ADGRB2: variants seen among roughly 807,000 people sequenced by gnomAD.
ADGRB2 encodes the protein adhesion G protein-coupled receptor B2.
In ADGRB2, 47 loss-of-function variants were observed where a neutral mutation model predicts 178.7. The observed-to-expected ratio is 0.26, with a 90% CI of 0.21 to 0.34. The LOEUF (loss-of-function observed/expected upper bound fraction) is 0.34, where lower values mean the gene tolerates loss of function less well. ADGRB2 is among the 10% of genes least tolerant of loss of function. The pLI, the probability that ADGRB2 is intolerant of heterozygous loss-of-function variation, is 1.00. For missense variants in ADGRB2, 1,584 were observed against 2,180.8 expected (o/e 0.73, Z 5.45); for synonymous variants, 870 against 912.4 (o/e 0.95, Z 0.84).
chr1:31,749,949 G>GGAAAGAAA lies in ADGRB2; in HGVS notation c.839-5226_839-5219dup, dbSNP rs557365713. Among the ~76,000 whole-genome samples, 5 of 150,872 alleles carry GGAAAGAAA rather than the reference G, an allele frequency of 3.3e-5. No homozygotes were observed. In the South Asian group the frequency reaches 8.4e-4, roughly 25 times the overall value. ...AGAGAGAGAGAGAGAAAGAAAGAAA[G>GGAAAGAAA]GAAAGAAAGAAAGAAAGAGAAAAAG... On this transcript the variant is annotated intron_variant, in intron 4 of 32. Transcript: ENST00000373658.
intron 18 of ADGRB2, 112 bp downstream of exon 18, chr1:31,738,088 C>T: frequency 1.4e-6 from 2 of 1,459,558 alleles, no homozygotes; most frequent in Non-Finnish European, 1.8e-6. Flanking sequence ...ACAAGCGCAC[C>T]TGCAGATGCA....
intron 7 of ADGRB2, 92 bp downstream of exon 7, chr1:31,742,746 G>A: frequency 7.4e-7 from 1 of 1,343,170 alleles, no homozygotes; most frequent in Non-Finnish European, 9.6e-7. Context: ...GGCCCCCAGG[G>A]GCAGGTCACT....
In ADGRB2 at chr1:31,740,658, G is replaced by A; in HGVS notation, c.1795-117C>T. On this transcript the variant is annotated intron_variant, in intron 11 of 32. Transcript: ENST00000373658. This position sits in a 1 kb window ranked among gnomAD's most constrained non-coding sequence, Gnocchi z 5.9. Reference sequence around the variant, plus strand: ...TCCACGGGGAGAGAAAGGGGGAAAAGGTCAGAGAGGCTCAAAGGGGCACAC... The same window carrying A: ...TCCACGGGGAGAGAAAGGGGGAAAAAGTCAGAGAGGCTCAAAGGGGCACAC... 5 of 1,143,904 alleles carry A rather than the reference G, an allele frequency of 4.4e-6. No individual in the cohort carries two copies. Among genetic ancestry groups the A allele is most frequent in the Non-Finnish European group, 6.0e-6 (5 of 827,820 alleles). 70.9% of individuals were successfully genotyped at this position (1,143,904 alleles called of 1,614,324 possible). A position where few individuals can be genotyped will look rare whatever the true frequency, so the allele number is the denominator to read the frequency against.
At chr1:31,736,098 C>T (rs577596926) in intron 22 of ADGRB2, among the ~76,000 whole-genome samples, 3 of 152,322 alleles carry the variant, frequency 2.0e-5, no homozygotes, top group Non-Finnish European at 4.4e-5. Context: ...TCCCCCAGTG[C>T]TCCCATGGGG....
rs928531541 is a variant in ADGRB2, at chr1:31,739,385, T to C, written c.2418A>G (p.Ala806=). Residue 806 remains alanine (A), a synonymous_variant, in exon 15 of 33, where the codon GCA becomes GCG. Transcript: ENST00000373658. ...CAAAGTAGGAGGACTCATCAGGGTC[T>C]GCTGGGAGGAGGCGCTGGTGGGAGT... is the stretch of plus-strand genomic sequence containing the variant. ...PGHSHQRLLP[A]DPDESSYFVI... is the part of the protein sequence containing the mutation. 2.0e-6 allele frequency: 3 copies of C among 1,536,806 alleles called. No homozygotes were observed. Among genetic ancestry groups the C allele is most frequent in the South Asian group, 1.2e-5 (1 of 80,496 alleles).
chr1:31,738,067 C>A (rs1262988846), intron 18 of ADGRB2, 133 bp downstream of exon 18: 1 of 1,347,976 alleles, frequency 7.4e-7, no homozygotes, highest in Non-Finnish European at 1.0e-6. Flanking sequence ...CAGACATCCA[C>A]GTACAATCCC....
chr1:31,746,537 C>T (rs1017237084), intron 4 of ADGRB2, among the ~76,000 whole-genome samples: 1 of 152,162 alleles, frequency 6.6e-6, no homozygotes, highest in African/African-American at 2.4e-5. Flanking sequence ...GCTTCAGGGG[C>T]TCCACATCCG....
Position 31,735,627 on chromosome 1 carries a change from G to A in ADGRB2, c.3306C>T (p.Leu1102=). ...TGTCGGAGATGCCATCACGTGCCAT[G>A]AGCTTGTTGAAGACGATGATTCCGA... is the stretch of plus-strand genomic sequence containing the variant. ...MLIGIIVFNK[L]MARDGISDKS... The change falls in exon 24 of 33, where the codon CTC becomes CTT. Residue 1102 remains leucine, a synonymous_variant. Transcript: ENST00000373658. This position sits in a 1 kb window ranked among gnomAD's most constrained non-coding sequence, Gnocchi z 6.0. 6.2e-7 allele frequency: 1 copy of A among 1,611,250 alleles called. No homozygotes were observed. Among genetic ancestry groups the A allele is most frequent in the Admixed American group, 1.7e-5 (1 of 59,902 alleles).
intron 28 of ADGRB2, 29 bp from the exon 29 acceptor site, chr1:31,731,448 G>T: frequency 6.5e-7 from 1 of 1,540,504 alleles, no homozygotes. Context: ...GGGAGGGGGT[G>T]AGTCCTGAGG....
intron 4 of ADGRB2, among the ~76,000 whole-genome samples, chr1:31,750,935 C>T (rs1321462336): frequency 1.3e-5 from 2 of 152,134 alleles, no homozygotes; most frequent in Non-Finnish European, 2.9e-5. Flanking sequence ...CAGCCTCCCA[C>T]CACAGAGAGC....
Position 31,727,855 on chromosome 1 carries a change from G to T in ADGRB2, c.4572+170C>A. ...CCAATCCTGGAGGACCTCCACCCCTGTTCGCCATCTGCAGCACCTTCCCCA... is the reference window on the plus strand; with the variant it reads ...CCAATCCTGGAGGACCTCCACCCCTTTTCGCCATCTGCAGCACCTTCCCCA... On this transcript the variant is annotated intron_variant, in intron 32 of 32. Coordinates refer to ENST00000373658, the MANE Select transcript of ADGRB2 (RefSeq NM_001364857.2). This position sits in a 1 kb window ranked among gnomAD's most constrained non-coding sequence, Gnocchi z 4.4. 1.0e-6 allele frequency: 1 copy of T among 989,786 alleles called. No individual in the cohort carries two copies. Among genetic ancestry groups the T allele is most frequent in the Non-Finnish European group, 1.4e-6 (1 of 692,648 alleles). 61.3% of individuals were successfully genotyped at this position (989,786 alleles called of 1,614,324 possible). A position where few individuals can be genotyped will look rare whatever the true frequency, so the allele number is the denominator to read the frequency against.
At chr1:31,746,558 G>T (rs369140984) in intron 4 of ADGRB2, among the ~76,000 whole-genome samples, 2 of 152,228 alleles carry the variant, frequency 1.3e-5, no homozygotes, top group Admixed American at 1.3e-4. Context: ...CTGGGCGCCC[G>T]GGACTTCTCA....
At chr1:31,748,337 C>T (rs974654477) in intron 4 of ADGRB2, among the ~76,000 whole-genome samples, 1 of 152,230 alleles carries the variant, frequency 6.6e-6, no homozygotes, top group Admixed American at 6.5e-5. Context: ...ACAGCCAGGC[C>T]CTACACTGCC....
rs1418741651 is a variant in ADGRB2 at position 31,758,985 on chromosome 1, C to T, written c.-190-1474G>A. On this transcript the variant is annotated intron_variant, in intron 1 of 32. Transcript: ENST00000373658. This position sits in a 1 kb window ranked among gnomAD's most constrained non-coding sequence, Gnocchi z 4.2. The stretch of plus-strand genomic sequence containing the variant: ...AGCCGCAAAATTCAGGCCATGGCTG[C>T]GGCTCAGTGGAGGGGAGGTAGGGGC... 1.3e-5 allele frequency among the ~76,000 whole-genome samples: 2 copies of T among 152,202 alleles called. No individual in the cohort carries two copies. Among genetic ancestry groups the T allele is most frequent in the Non-Finnish European group, 2.9e-5 (2 of 68,032 alleles).
rs193191944 is a variant in ADGRB2 at position 31,739,680 on chromosome 1, A to G, written c.2168-45T>C. ...GACAGAGACAGACAGAGGGGCAGAA[A>G]CAAAGGGTGGCAGACCAGGGGAAGA... On this transcript the variant is annotated intron_variant, in intron 14 of 32. Coordinates refer to ENST00000373658, the MANE Select transcript of ADGRB2 (RefSeq NM_001364857.2). The G allele has an allele frequency of 7.2e-6, 11 of 1,537,214 alleles. No homozygotes were observed. In the African/African-American group the frequency reaches 1.5e-4, roughly 21 times the overall value.
In ADGRB2 at chr1:31,738,819, G is replaced by C; in HGVS notation, c.2601+13C>G. 1 of 1,613,602 alleles carries C rather than the reference G, an allele frequency of 6.2e-7. No homozygotes were observed. The highest frequency in any genetic ancestry group is 8.5e-7 in the Non-Finnish European group (1 of 1,179,586). On this transcript the variant is annotated intron_variant, in intron 16 of 32. Coordinates refer to ENST00000373658, the MANE Select transcript of ADGRB2 (RefSeq NM_001364857.2). Reference sequence around the variant, plus strand: ...GAGGTGCACCCAAGGTCTCTGCATGGATCTCCACTCACATTGATGATGTAG... The same window carrying C: ...GAGGTGCACCCAAGGTCTCTGCATGCATCTCCACTCACATTGATGATGTAG...
chr1:31,730,179 G>A (rs1173309928), intron 29 of ADGRB2, among the ~76,000 whole-genome samples: 1 of 152,202 alleles, frequency 6.6e-6, no homozygotes, highest in Non-Finnish European at 1.5e-5. Flanking sequence ...TGAAGGTGAA[G>A]GATTCACAGA....
Position 31,735,221 on chromosome 1 carries a change from G to A in ADGRB2, c.3414C>T (p.Pro1138=). 1 of 1,457,806 alleles carries A rather than the reference G, an allele frequency of 6.9e-7. No homozygotes were observed. Among genetic ancestry groups the A allele is most frequent in the Non-Finnish European group, 9.1e-7 (1 of 1,100,602 alleles). The allele number at this position is 1,457,806 out of a possible 1,614,324, so 90.3% of individuals were successfully genotyped here. A position where few individuals can be genotyped will look rare whatever the true frequency, so the allele number is the denominator to read the frequency against. Residue 1138 remains proline, a synonymous_variant, in exon 25 of 33, where the codon CCC becomes CCT. Transcript: ENST00000373658. The surrounding 1 kb of genome is among the most constrained non-coding windows in gnomAD (Gnocchi z 6.0). The part of the protein sequence containing the change: ...LLPCSACGAV[P]SPLLSSASAR... Reference sequence around the variant, plus strand: ...CCGAGGCTGAGCTGAGCAGGGGGCTGGGGACCGCTCCACACGCTGAGCAGG... The same window carrying A: ...CCGAGGCTGAGCTGAGCAGGGGGCTAGGGACCGCTCCACACGCTGAGCAGG...
intron 27 of ADGRB2, 39 bp from the exon 28 acceptor site, chr1:31,732,193 G>A (rs769530781): frequency 8.1e-6 from 13 of 1,613,264 alleles, no homozygotes; most frequent in South Asian, 7.7e-5. Context: ...GCAGAGGGAG[G>A]ATTAATGTAT....
Sources: gnomAD v4.1 joint callset for allele counts (sites outside exome capture counted in the v4.1 genomes callset) on GRCh38, gnomAD v4.1.1 for gene constraint, Gnocchi (gnomAD v3.1) non-coding constraint, MANE v1.5 for transcripts, NCBI Gene and HGNC (gene_info 2026-07-23, HGNC 2026-07-21) for gene names.